AFAP1L2: variants seen among roughly 807,000 people sequenced by gnomAD.
AFAP1L2 encodes actin filament associated protein 1 like 2, also known as actin filament-associated protein 1-like 2.
AFAP1L2 carries 46 observed loss-of-function variants against 99.3 expected under a neutral mutation model. The observed-to-expected ratio is 0.46, with a 90% CI of 0.37 to 0.59. The LOEUF (loss-of-function observed/expected upper bound fraction) is 0.59. Among genes scored for constraint, AFAP1L2 ranks in the 20% least tolerant of loss-of-function variants. AFAP1L2 has a pLI of 0.00. For synonymous variants in AFAP1L2, 397 were observed against 419.1 expected (o/e 0.95, Z 0.64); for missense variants, 959 against 1,034.9 (o/e 0.93, Z 1.01).
At chr10:114,292,419 T>C (rs991019536), downstream of AFAP1L2, among the ~76,000 whole-genome samples, 1 of 152,130 alleles carries the variant, frequency 6.6e-6, no homozygotes, top group African/African-American at 2.4e-5. Context: ...GAGATTTTGC[T>C]TTTTAAAGCA....
intron 7 of AFAP1L2, 37 bp downstream of exon 7, chr10:114,313,834 C>G: frequency 6.4e-7 from 1 of 1,556,454 alleles, no homozygotes; most frequent in Non-Finnish European, 8.7e-7. Context: ...GGCCACAACT[C>G]TAGGAACCCC....
the AFAP1L2 span, among the ~76,000 whole-genome samples, chr10:114,283,065 G>A: frequency 6.6e-6 from 1 of 152,146 alleles, no homozygotes; most frequent in African/African-American, 2.4e-5. Context: ...AGGAATCATC[G>A]ATGCCATTAT....
intron 6 of AFAP1L2, 146 bp from the exon 7 acceptor site, chr10:114,314,196 A>T: frequency 4.4e-6 from 3 of 687,388 alleles, no homozygotes; most frequent in Non-Finnish European, 7.0e-6. Context: ...ACCCCGAAGC[A>T]GGCCTGGAGC....
upstream of AFAP1L2, chr10:114,404,688 G>A (rs1283547230): frequency 4.3e-6 from 2 of 468,242 alleles, no homozygotes; most frequent in African/African-American, 2.1e-5. Flanking sequence ...GGCCCGCCGA[G>A]GCTGACAGTC....
intron 10 of AFAP1L2, among the ~76,000 whole-genome samples, chr10:114,305,290 G>T (rs2042000724): frequency 7.1e-6 from 1 of 140,678 alleles, no homozygotes; most frequent in Non-Finnish European, 1.5e-5. Flanking sequence ...TGCAGGAGGG[G>T]ATGCGGACGC....
intron 1 of AFAP1L2, among the ~76,000 whole-genome samples, chr10:114,358,188 G>C (rs2051675785): frequency 6.6e-6 from 1 of 152,128 alleles, no homozygotes; most frequent in South Asian, 2.1e-4. Flanking sequence ...TCGGCAACAA[G>C]GATTAATAGG....
chr10:114,304,931 C>CTGCAGGAGGAAGTGCAGA lies in AFAP1L2; in HGVS notation c.1073-19_1073-2dup. The CTGCAGGAGGAAGTGCAGA allele has an allele frequency of 1.9e-6, 3 of 1,606,430 alleles. No homozygotes were observed. The highest frequency in any genetic ancestry group is 2.6e-6 in the Non-Finnish European group (3 of 1,176,126). On this transcript the variant is annotated splice_acceptor_variant, in intron 10 of 18. Coordinates refer to ENST00000304129, the MANE Select transcript of AFAP1L2 (RefSeq NM_001001936.3). LOFTEE classifies it high-confidence loss of function. ...CTGTTCACCAGCACGTTCAGGTAAC[C>CTGCAGGAGGAAGTGCAGA]TGCAGGAGGAAGTGCAGATGCAGGA...
At chr10:114,353,512 A>G (rs907529516) in intron 1 of AFAP1L2, among the ~76,000 whole-genome samples, 10 of 152,224 alleles carry the variant, frequency 6.6e-5, no homozygotes, top group African/African-American at 2.4e-4. Flanking sequence ...AGTAGGCATT[A>G]CCATCCCCAG....
At chr10:114,340,980 C>A in intron 1 of AFAP1L2, 1 of 559,484 alleles carries the variant, frequency 1.8e-6, no homozygotes, top group Non-Finnish European at 3.2e-6. Context: ...CCCAGCCCTA[C>A]CAGGTGCTGG....
chr10:114,345,499 C>T (rs926451978), intron 1 of AFAP1L2, among the ~76,000 whole-genome samples: 2 of 152,134 alleles, frequency 1.3e-5, no homozygotes, highest in African/African-American at 4.8e-5. Context: ...GTGAGCTAAT[C>T]ATGGCAGCTG....
chr10:114,400,452 A>G (rs1462784175), intron 1 of AFAP1L2, among the ~76,000 whole-genome samples: 1 of 152,226 alleles, frequency 6.6e-6, no homozygotes, highest in Non-Finnish European at 1.5e-5. Flanking sequence ...TACAAGGAGC[A>G]AACCCTGAGC....
At chr10:114,353,106 GAC>G in intron 1 of AFAP1L2, among the ~76,000 whole-genome samples, 1 of 152,314 alleles carries the variant, frequency 6.6e-6, no homozygotes, top group East Asian at 1.9e-4. Flanking sequence ...CTGGCTTAGA[GAC>G]AGACCCATGA....
chr10:114,316,781 C>A (rs2044214407), intron 5 of AFAP1L2, among the ~76,000 whole-genome samples: 2 of 152,180 alleles, frequency 1.3e-5, no homozygotes, highest in South Asian at 4.1e-4. Context: ...ATCCATCTAT[C>A]CCTGAAAAGC....
chr10:114,345,846 C>T (rs982038887), intron 1 of AFAP1L2, among the ~76,000 whole-genome samples: 4 of 152,138 alleles, frequency 2.6e-5, no homozygotes, highest in Non-Finnish European at 5.9e-5. Context: ...CCCACAGGAC[C>T]TGCCGATGTG....
rs1334468 is a variant in AFAP1L2, at chr10:114,331,090, G to T, written c.315+713C>A. On this transcript the variant is annotated intron_variant, in intron 4 of 18. Transcript: ENST00000304129. ...AAGGAGGCCAGTGAAGACCCTGGAT[G>T]AGGAGGCAGGACATGCAGCTGAGCC... Among the ~76,000 whole-genome samples the T allele has an allele frequency of 7.1e-3, 1,085 of 152,282 alleles. 11 individuals carry two copies. Among genetic ancestry groups the T allele is most frequent in the African/African-American group, 0.025 (1,042 of 41,558 alleles).
At position 114,295,704 on chromosome 10, in the gene AFAP1L2, A is replaced by AAAGTCTAAACAGGAGG; in HGVS notation, c.*322_*337dup. On this transcript the variant is annotated 3_prime_UTR_variant, in exon 19 of 19. Coordinates refer to ENST00000304129, the MANE Select transcript of AFAP1L2 (RefSeq NM_001001936.3). ...CTGCTTCCTTGATTCATCTTCCACCAAAGTCTAAACAGGAGGTTTTCACTA... is the reference window on the plus strand; with the variant it reads ...CTGCTTCCTTGATTCATCTTCCACCAAAGTCTAAACAGGAGGAAGTCTAAACAGGAGGTTTTCACTA... The AAAGTCTAAACAGGAGG allele has an allele frequency of 9.5e-7, 1 of 1,056,178 alleles. No individual in the cohort carries two copies. The highest frequency in any genetic ancestry group is 1.1e-6 in the Non-Finnish European group (1 of 875,050). 65.4% of individuals were successfully genotyped at this position (1,056,178 alleles called of 1,614,324 possible).
At position 114,392,480 on chromosome 10, in the gene AFAP1L2, G is replaced by A. The variant is rs150143817; in HGVS notation, c.16+11960C>T. Among the ~76,000 whole-genome samples, 15 of 152,336 alleles carry A rather than the reference G, an allele frequency of 9.8e-5. No homozygotes were observed. The East Asian group carries it at 2.5e-3, about 25-fold the overall frequency. On this transcript the variant is annotated intron_variant, in intron 1 of 18. Transcript: ENST00000304129. ...GATATCCATTGGACAGGTCTGGATTGTCCTGAATTAAATTAGGACTTTCCC... is the reference window on the plus strand; with the variant it reads ...GATATCCATTGGACAGGTCTGGATTATCCTGAATTAAATTAGGACTTTCCC...
chr10:114,344,097 A>G (rs1374272895), intron 1 of AFAP1L2, among the ~76,000 whole-genome samples: 1 of 152,232 alleles, frequency 6.6e-6, no homozygotes, highest in East Asian at 1.9e-4. Flanking sequence ...AACATTTCCT[A>G]CTGTGAAGTC....
chr10:114,284,770 G>T, the AFAP1L2 span: 2 of 1,253,910 alleles, frequency 1.6e-6, no homozygotes, highest in South Asian at 1.4e-5. Flanking sequence ...GCCACTGCTA[G>T]AGCAGGAAGC....
Sources: allele counts gnomAD v4.1 joint callset (sites outside exome capture counted in the v4.1 genomes callset), GRCh38; gene constraint gnomAD v4.1.1; transcripts MANE v1.5; gene names NCBI Gene and HGNC (gene_info 2026-07-23, HGNC 2026-07-21).